UGT1A9: variants seen among roughly 807,000 people sequenced by gnomAD.
The protein encoded by UGT1A9 is UDP-glucuronosyltransferase 1A9.
UGT1A9 carries 35 observed loss-of-function variants against 45.0 expected under a neutral mutation model. The ratio of observed to expected loss-of-function variants is 0.78; its 90% CI spans 0.59 to 1.03. The LOEUF (loss-of-function observed/expected upper bound fraction) is 1.03, where lower values mean the gene tolerates loss of function less well. Ranked by LOEUF, UGT1A9 falls within the 50% of genes least tolerant of loss-of-function variation. UGT1A9 has a pLI of 0.00. For missense variants in UGT1A9, 687 were observed against 666.6 expected (o/e 1.03, Z -0.34); for synonymous variants, 278 against 250.6 (o/e 1.11, Z -1.03).
Position 233,672,568 on chromosome 2 carries a change from A to T in UGT1A9, c.634A>T (p.Met212Leu), listed in dbSNP as rs758216635. 2 of 1,613,918 alleles carry T rather than the reference A, an allele frequency of 1.2e-6. No individual in the cohort carries two copies. The highest frequency in any genetic ancestry group is 2.2e-5 in the South Asian group (2 of 91,076). ...CAAGGAGAGAGTACGGAACCACATC[A>T]TGCACTTGGAGGAACATTTATTATG... Reference protein sequence around the residue: ...TFKERVRNHIMHLEEHLLCHR... With the variant: ...TFKERVRNHILHLEEHLLCHR... The change falls in exon 1 of 5, where the codon ATG becomes TTG. Residue 212 changes from methionine (M) to leucine (L), a missense_variant. Coordinates refer to ENST00000354728, the MANE Select transcript of UGT1A9 (RefSeq NM_021027.3).
intron 1 of UGT1A9, chr2:233,708,321 T>C (rs2076012583): frequency 6.6e-6 from 1 of 152,220 alleles, no homozygotes; most frequent in Non-Finnish European, 1.5e-5. Context: ...AGGTAAAAAA[T>C]ATCTCAAGGT....
chr2:233,672,828 CCTTTGG>C, intron 1 of UGT1A9, 39 bp downstream of exon 1: 1 of 1,562,282 alleles, frequency 6.4e-7, no homozygotes, highest in Admixed American at 2.0e-5. Flanking sequence ...GAATACTTCA[CCTTTGG>C]AAATTAAAAA....
chr2:233,681,598 G>C (rs567691515), intron 1 of UGT1A9, among the ~76,000 whole-genome samples: 1 of 148,178 alleles, frequency 6.7e-6, no homozygotes, highest in Non-Finnish European at 1.5e-5. Context: ...TATTAGCTTC[G>C]TTCAAATTTA....
At chr2:233,724,656 G>C (rs1447865795) in intron 1 of UGT1A9, among the ~76,000 whole-genome samples, 2 of 142,148 alleles carry the variant, frequency 1.4e-5, no homozygotes, top group African/African-American at 5.4e-5. Context: ...CTGGGAAGAG[G>C]CGCTCCTCAC....
At chr2:233,693,698 C>T in intron 1 of UGT1A9, 4 of 1,614,222 alleles carry the variant, frequency 2.5e-6, no homozygotes, top group Non-Finnish European at 3.4e-6. Flanking sequence ...GTATGAAGAA[C>T]TCGCATCAGC....
chr2:233,747,555 G>A, intron 1 of UGT1A9: 1 of 1,599,236 alleles, frequency 6.3e-7, no homozygotes, highest in Non-Finnish European at 8.6e-7. Flanking sequence ...TAAAAGTATG[G>A]CAATTTTGAA....
At chr2:233,732,556 A>G (rs1170205117) in intron 1 of UGT1A9, among the ~76,000 whole-genome samples, 1 of 152,226 alleles carries the variant, frequency 6.6e-6, no homozygotes, top group African/African-American at 2.4e-5. Context: ...CATTTATTAA[A>G]TAAGGAATCC....
At chr2:233,708,553 AC>A (rs1349773245) in intron 1 of UGT1A9, 9 of 152,176 alleles carry the variant, frequency 5.9e-5, no homozygotes. Flanking sequence ...GGAGTTTGAG[AC>A]CAGCCTAGGC....
intron 1 of UGT1A9, among the ~76,000 whole-genome samples, chr2:233,752,104 T>G (rs2125914328): frequency 6.6e-6 from 1 of 152,238 alleles, no homozygotes; most frequent in East Asian, 1.9e-4. Flanking sequence ...GAAAGTAGAA[T>G]CAGAGGAGAA....
At chr2:233,733,970 C>T (rs1298818177) in intron 1 of UGT1A9, among the ~76,000 whole-genome samples, 52 of 151,482 alleles carry the variant, frequency 3.4e-4, no homozygotes, top group East Asian at 9.7e-4. Flanking sequence ...GTAGGGGGAG[C>T]GGGGAGGGAT....
At chr2:233,729,849 A>G (rs745766875) in intron 1 of UGT1A9, 35 of 1,613,614 alleles carry the variant, frequency 2.2e-5, no homozygotes, top group Non-Finnish European at 2.5e-5. Context: ...TTTTTCAGAG[A>G]GAGGTGTCAG....
chr2:233,702,878 T>C (rs2075711688), intron 1 of UGT1A9, among the ~76,000 whole-genome samples: 1 of 152,206 alleles, frequency 6.6e-6, no homozygotes, highest in South Asian at 2.1e-4. Flanking sequence ...TATTGAGGAC[T>C]TTTGCATCAT....
intron 1 of UGT1A9, among the ~76,000 whole-genome samples, chr2:233,699,179 A>ACTT (rs765566665): frequency 6.6e-6 from 1 of 151,668 alleles, no homozygotes; most frequent in Non-Finnish European, 1.5e-5. Context: ...TCTGATCCTC[A>ACTT]CTTCTTCTTC....
chr2:233,675,990 A>G (rs1181588502), intron 1 of UGT1A9, among the ~76,000 whole-genome samples: 2 of 152,236 alleles, frequency 1.3e-5, no homozygotes, highest in Non-Finnish European at 2.9e-5. Context: ...ATACAGATCA[A>G]TGGAATAGAA....
At chr2:233,741,367 C>T (rs1691641318) in intron 1 of UGT1A9, among the ~76,000 whole-genome samples, 1 of 151,832 alleles carries the variant, frequency 6.6e-6, no homozygotes, top group Non-Finnish European at 1.5e-5. Context: ...CACAATGAAA[C>T]TGCCCATGCC....
chr2:233,695,837 G>C (rs1438595123), intron 1 of UGT1A9, among the ~76,000 whole-genome samples: 1 of 152,094 alleles, frequency 6.6e-6, no homozygotes, highest in Non-Finnish European at 1.5e-5. Flanking sequence ...AAACTCAAAG[G>C]GTTTTTCCTG....
intron 2 of UGT1A9, 25 bp from the exon 3 acceptor site, chr2:233,767,822 ACG>A (rs756893991): frequency 6.2e-7 from 1 of 1,614,064 alleles, no homozygotes. Flanking sequence ...TTCTTTCTTT[ACG>A]TTCTGCTCTT....
chr2:233,719,190 C>T (rs772886660), intron 1 of UGT1A9: 2 of 1,614,200 alleles, frequency 1.2e-6, no homozygotes, highest in Non-Finnish European at 1.7e-6. Flanking sequence ...ATCTTTGGCC[C>T]TTCATAGGTG....
At chr2:233,693,454 C>T (rs1319320427) in intron 1 of UGT1A9, 1 of 1,614,134 alleles carries the variant, frequency 6.2e-7, no homozygotes, top group Admixed American at 1.7e-5. Context: ...TTTTCACAGA[C>T]CCAGCCTTAC....
Sources: allele counts gnomAD v4.1 joint callset (sites outside exome capture counted in the v4.1 genomes callset), GRCh38; gene constraint gnomAD v4.1.1; transcripts MANE v1.5; gene names NCBI Gene and HGNC (gene_info 2026-07-23, HGNC 2026-07-21).